The following ODAD2 variants were observed in gnomAD, a reference collection of about 807,000 sequenced individuals.
ODAD2 encodes outer dynein arm docking complex subunit 2.
In ODAD2, 89 loss-of-function variants were observed where a neutral mutation model predicts 106.8. That is an observed-to-expected ratio of 0.83 (90% CI 0.70 to 0.99). The LOEUF (loss-of-function observed/expected upper bound fraction) is 0.99. Among genes scored for constraint, ODAD2 ranks in the 50% least tolerant of loss-of-function variants. The pLI, the probability that ODAD2 is intolerant of heterozygous loss-of-function variation, is 0.00. For missense variants in ODAD2, 1,168 were observed against 1,238.5 expected, an observed-to-expected ratio of 0.94 and a Z score of 0.85; for synonymous variants, 404 against 436.2, an observed-to-expected ratio of 0.93 and a Z score of 0.92.
chr10:27,975,741 A>C (rs760821261), intron 7 of ODAD2, among the ~76,000 whole-genome samples: 3 of 152,206 alleles, frequency 2.0e-5, no homozygotes, highest in Non-Finnish European at 4.4e-5. Flanking sequence ...AACAAACAAT[A>C]TTAATTCTAT....
intron 19 of ODAD2, among the ~76,000 whole-genome samples, chr10:27,827,594 C>T (rs1019920583): frequency 2.6e-5 from 4 of 151,972 alleles, no homozygotes; most frequent in Admixed American, 2.0e-4. Flanking sequence ...TCACAAACTC[C>T]TCTTGTTTTT....
intron 10 of ODAD2, among the ~76,000 whole-genome samples, chr10:27,961,098 C>T (rs1410535307): frequency 6.6e-6 from 1 of 152,100 alleles, no homozygotes; most frequent in African/African-American, 2.4e-5. Context: ...TGCTATGGTT[C>T]AAGTGTGTTT....
intron 18 of ODAD2, among the ~76,000 whole-genome samples, chr10:27,861,715 C>T (rs529937139): frequency 5.9e-5 from 9 of 152,172 alleles, no homozygotes; most frequent in South Asian, 2.1e-4. Context: ...TCTTTGTATA[C>T]GTAATTGCCC....
intron 17 of ODAD2, among the ~76,000 whole-genome samples, chr10:27,884,057 C>T (rs1337832816): frequency 6.6e-6 from 1 of 151,948 alleles, no homozygotes; most frequent in East Asian, 1.9e-4. Context: ...TGATGAGAAA[C>T]TTTACATATG....
chr10:27,939,127 G>C (rs1351392920), intron 14 of ODAD2, among the ~76,000 whole-genome samples: 4 of 150,770 alleles, frequency 2.7e-5, no homozygotes, highest in Non-Finnish European at 5.9e-5. Flanking sequence ...CCAGTAAAAA[G>C]ATAAAACAGG....
intron 9 of ODAD2, among the ~76,000 whole-genome samples, chr10:27,963,013 T>TC (rs1324265975): frequency 1.5e-5 from 2 of 129,524 alleles, no homozygotes; most frequent in Non-Finnish European, 3.2e-5. Flanking sequence ...CCTGTGTACT[T>TC]TTTTTTTTTT....
At chr10:27,885,770 TATATAAA>T (rs1564466575) in intron 17 of ODAD2, among the ~76,000 whole-genome samples, 2 of 54,168 alleles carry the variant, frequency 3.7e-5, no homozygotes, top group African/African-American at 7.5e-5. Flanking sequence ...TTATATATAT[TATATAAA>T]ATATATATTA....
chr10:27,862,386 G>A, intron 18 of ODAD2, 48 bp downstream of exon 18: 1 of 1,451,222 alleles, frequency 6.9e-7, no homozygotes, highest in East Asian at 2.4e-5. Flanking sequence ...ACTACACCAT[G>A]ATATCTCAGG....
intron 17 of ODAD2, among the ~76,000 whole-genome samples, chr10:27,906,158 C>T (rs1843571151): frequency 6.7e-6 from 1 of 150,160 alleles, no homozygotes; most frequent in African/African-American, 2.4e-5. Flanking sequence ...GGGACTTAAA[C>T]AAATTTATAA....
chr10:27,904,559 AATTCCC>A (rs1843448823), intron 17 of ODAD2, among the ~76,000 whole-genome samples: 2 of 152,146 alleles, frequency 1.3e-5, no homozygotes, highest in Non-Finnish European at 2.9e-5. Flanking sequence ...TCATATACTA[AATTCCC>A]ATTTGTACTT....
intron 17 of ODAD2, among the ~76,000 whole-genome samples, chr10:27,873,491 T>G (rs1841074029): frequency 7.1e-6 from 1 of 140,124 alleles, no homozygotes; most frequent in East Asian, 2.0e-4. Flanking sequence ...TTGTGGGCAT[T>G]TAGTGCTATA....
chr10:27,924,333 A>G (rs1424143901), intron 16 of ODAD2, among the ~76,000 whole-genome samples: 1 of 151,846 alleles, frequency 6.6e-6, no homozygotes, highest in East Asian at 1.9e-4. Flanking sequence ...ACTTCTAAAA[A>G]TGATGATAAT....
intron 12 of ODAD2, 134 bp from the exon 13 acceptor site, chr10:27,940,939 T>A: frequency 1.1e-6 from 1 of 949,490 alleles, no homozygotes; most frequent in Non-Finnish European, 1.5e-6. Flanking sequence ...TCACTTTTCG[T>A]ACTCCATAGC....
intron 17 of ODAD2, among the ~76,000 whole-genome samples, chr10:27,885,311 A>C (rs1240725546): frequency 6.7e-6 from 1 of 149,896 alleles, no homozygotes; most frequent in Non-Finnish European, 1.5e-5. Context: ...AGAGATCGAA[A>C]CCATCCTGGC....
At chr10:27,861,913 A>G (rs1278793807) in intron 18 of ODAD2, among the ~76,000 whole-genome samples, 2 of 152,188 alleles carry the variant, frequency 1.3e-5, no homozygotes, top group Non-Finnish European at 2.9e-5. Flanking sequence ...GCCAAGTGGT[A>G]GTCCAAGCTA....
In ODAD2 at chr10:27,911,254, C is replaced by T. The variant is rs972801403; in HGVS notation, c.2496-3477G>A. 5.3e-5 allele frequency among the ~76,000 whole-genome samples: 8 copies of T among 152,156 alleles called. No individual in the cohort carries two copies. In the East Asian group the frequency reaches 5.8e-4, roughly 11 times the overall value. On this transcript the variant is annotated intron_variant, in intron 16 of 19. Coordinates refer to ENST00000305242, the MANE Select transcript of ODAD2 (RefSeq NM_018076.5). ...GCTGTTCACAGTGTGAGAGCTGGAA[C>T]GAAAAGTCAGAATGTCACCTTTTTG...
intron 16 of ODAD2, among the ~76,000 whole-genome samples, chr10:27,919,238 G>A (rs1296523487): frequency 3.3e-5 from 5 of 152,002 alleles, no homozygotes; most frequent in African/African-American, 1.2e-4. Flanking sequence ...AATGGATACT[G>A]TATGAAACAA....
intron 17 of ODAD2, among the ~76,000 whole-genome samples, chr10:27,882,079 G>C (rs1340487713): frequency 6.6e-6 from 1 of 151,780 alleles, no homozygotes; most frequent in Admixed American, 6.6e-5. Context: ...TGAGGTGGGA[G>C]GATCACTTGA....
chr10:27,910,913 G>A (rs910908787), intron 16 of ODAD2, among the ~76,000 whole-genome samples: 2 of 152,148 alleles, frequency 1.3e-5, no homozygotes, highest in Non-Finnish European at 2.9e-5. Context: ...TGAGCCTCTA[G>A]TCAGAATGTT....
Sources: allele counts gnomAD v4.1 joint callset (sites outside exome capture counted in the v4.1 genomes callset), GRCh38; gene constraint gnomAD v4.1.1; transcripts MANE v1.5; gene names NCBI Gene and HGNC (gene_info 2026-07-23, HGNC 2026-07-21).